Variants in RALGPS2 observed in about 807,000 individuals in gnomAD.
The protein encoded by RALGPS2 is Ral GEF with PH domain and SH3 binding motif 2, also known as ras-specific guanine nucleotide-releasing factor RalGPS2.
In RALGPS2, 43 loss-of-function variants were observed where a neutral mutation model predicts 86.8. That is an observed-to-expected ratio of 0.50 (90% CI 0.39 to 0.64). The LOEUF is 0.64. RALGPS2 is among the 30% of genes least tolerant of loss of function. The probability of loss-of-function intolerance (pLI) is 0.00; values close to 1 mark genes in which losing one functional copy is unlikely to be tolerated. For missense variants in RALGPS2, 536 were observed against 694.6 expected, an observed-to-expected ratio of 0.77 and a Z score of 2.57; for synonymous variants, 243 against 231.3, an observed-to-expected ratio of 1.05 and a Z score of -0.46.
chr1:178,897,826 T>C, intron 17 of RALGPS2, 70 bp downstream of exon 17: 1 of 1,328,482 alleles, frequency 7.5e-7, no homozygotes. Flanking sequence ...AAAGCAGTCC[T>C]AATGGGATAC....
intron 19 of RALGPS2, among the ~76,000 whole-genome samples, chr1:178,913,106 A>T (rs1488938161): frequency 2.0e-5 from 3 of 151,742 alleles, no homozygotes; most frequent in Non-Finnish European, 4.4e-5. Context: ...ACATGGTGAA[A>T]CCCCGTCTCT....
chr1:178,869,358 A>G (rs1427369076), intron 8 of RALGPS2: 1 of 152,128 alleles, frequency 6.6e-6, no homozygotes, highest in Non-Finnish European at 1.5e-5. Context: ...CATTCAGGAT[A>G]TGTTAGATAA....
intron 17 of RALGPS2, among the ~76,000 whole-genome samples, chr1:178,900,766 A>G (rs1402123615): frequency 2.0e-5 from 3 of 152,046 alleles, no homozygotes; most frequent in East Asian, 3.9e-4. Flanking sequence ...TAATAAATGC[A>G]TAGAATAAGG....
intron 4 of RALGPS2, among the ~76,000 whole-genome samples, chr1:178,797,507 T>C (rs1229616875): frequency 6.6e-6 from 1 of 152,082 alleles, no homozygotes; most frequent in Non-Finnish European, 1.5e-5. Context: ...TGCTGTTTTT[T>C]AACTTTTTAT....
chr1:178,803,959 G>A (rs1037249734), intron 4 of RALGPS2, among the ~76,000 whole-genome samples: 2 of 151,876 alleles, frequency 1.3e-5, no homozygotes, highest in Non-Finnish European at 2.9e-5. Context: ...TGAGTCTATC[G>A]TATCCATATC....
At chr1:178,727,542 C>G (rs1650095219) in intron 1 of RALGPS2, among the ~76,000 whole-genome samples, 1 of 152,164 alleles carries the variant, frequency 6.6e-6, no homozygotes, top group Admixed American at 6.5e-5. Context: ...AGAAAGAATA[C>G]AACAAATTTT....
At chr1:178,909,202 A>G (rs1385491123) in intron 19 of RALGPS2, among the ~76,000 whole-genome samples, 1 of 152,186 alleles carries the variant, frequency 6.6e-6, no homozygotes, top group Non-Finnish European at 1.5e-5. Context: ...GTCAAAGATC[A>G]GATGGTAGTA....
chr1:178,845,738 T>C (rs1656836765), intron 8 of RALGPS2, among the ~76,000 whole-genome samples: 1 of 152,192 alleles, frequency 6.6e-6, no homozygotes, highest in African/African-American at 2.4e-5. Context: ...CACCTAGTAT[T>C]TACTTAGCAC....
intron 17 of RALGPS2, among the ~76,000 whole-genome samples, chr1:178,899,355 T>C (rs1281111282): frequency 6.6e-6 from 1 of 151,788 alleles, no homozygotes; most frequent in Non-Finnish European, 1.5e-5. Flanking sequence ...GCATTTCTCA[T>C]CTTTTCTAAT....
At chr1:178,741,903 C>T (rs1651049747) in intron 1 of RALGPS2, among the ~76,000 whole-genome samples, 4 of 151,670 alleles carry the variant, frequency 2.6e-5, no homozygotes, top group Admixed American at 6.6e-5. Flanking sequence ...TTTGGGAGGC[C>T]GAGGCGGGAG....
chr1:178,794,968 CT>C (rs1262742551), intron 4 of RALGPS2, among the ~76,000 whole-genome samples: 1 of 152,008 alleles, frequency 6.6e-6, no homozygotes, highest in Non-Finnish European at 1.5e-5. Flanking sequence ...TCACTTGAGG[CT>C]AGGAGTTCAA....
chr1:178,744,674 C>T (rs760254467), intron 1 of RALGPS2, among the ~76,000 whole-genome samples: 51 of 151,464 alleles, frequency 3.4e-4, no homozygotes, highest in South Asian at 1.7e-3. Flanking sequence ...AAAATTAGCG[C>T]GGCATGGTGG....
chr1:178,776,933 A>T, intron 2 of RALGPS2, 112 bp downstream of exon 2: 1 of 781,614 alleles, frequency 1.3e-6, no homozygotes, highest in Non-Finnish European at 2.0e-6. Flanking sequence ...GCAGAAATAC[A>T]CATTTCCTTT....
intron 2 of RALGPS2, among the ~76,000 whole-genome samples, chr1:178,783,041 C>T (rs968737496): frequency 2.6e-5 from 4 of 152,058 alleles, no homozygotes; most frequent in Admixed American, 6.5e-5. Context: ...GCAGAGATTT[C>T]ACAATTATCA....
intron 8 of RALGPS2, among the ~76,000 whole-genome samples, chr1:178,869,978 A>G (rs2102348910): frequency 6.6e-6 from 1 of 152,234 alleles, no homozygotes; most frequent in Non-Finnish European, 1.5e-5. Flanking sequence ...CATGAATTTA[A>G]TTACATCTTC....
intron 1 of RALGPS2, among the ~76,000 whole-genome samples, chr1:178,770,802 C>T (rs866603729): frequency 2.0e-5 from 3 of 147,318 alleles, no homozygotes; most frequent in African/African-American, 5.0e-5. Context: ...AGTACTTCTG[C>T]GTTTCTTAAA....
intron 8 of RALGPS2, among the ~76,000 whole-genome samples, chr1:178,838,024 G>T (rs1048920208): frequency 6.6e-6 from 1 of 152,120 alleles, no homozygotes; most frequent in Non-Finnish European, 1.5e-5. Context: ...TAAACAAAGC[G>T]GCCTGGAAGC....
chr1:178,742,027 T>C (rs1361239021), intron 1 of RALGPS2, among the ~76,000 whole-genome samples: 1 of 151,180 alleles, frequency 6.6e-6, no homozygotes, highest in East Asian at 2.0e-4. Context: ...TCCCAGCTAC[T>C]CAGGAGGCTG....
chr1:178,744,830 A>G (rs965516306), intron 1 of RALGPS2, among the ~76,000 whole-genome samples: 5 of 151,726 alleles, frequency 3.3e-5, no homozygotes, highest in Non-Finnish European at 5.9e-5. Context: ...AAAAAAAAAA[A>G]AAAAAAAGAA....
Sources: gnomAD v4.1 joint callset for allele counts (sites outside exome capture counted in the v4.1 genomes callset) on GRCh38, gnomAD v4.1.1 for gene constraint, MANE v1.5 for transcripts, NCBI Gene and HGNC (gene_info 2026-07-23, HGNC 2026-07-21) for gene names.